The following PRKN variants were observed in gnomAD, a reference collection of about 807,000 sequenced individuals.
The protein encoded by PRKN is E3 ubiquitin-protein ligase parkin.
PRKN carries 56 observed loss-of-function variants against 59.5 expected under a neutral mutation model. The ratio of observed to expected loss-of-function variants is 0.94; its 90% CI spans 0.76 to 1.18. The LOEUF (loss-of-function observed/expected upper bound fraction) is 1.18. PRKN is among the 50% of genes most tolerant of loss of function. The probability of loss-of-function intolerance (pLI) is 0.00; values close to 1 mark genes in which losing one functional copy is unlikely to be tolerated. For missense variants in PRKN, 657 were observed against 596.4 expected (o/e 1.10, Z -1.06); for synonymous variants, 250 against 222.1 (o/e 1.13, Z -1.12).
Position 161,379,434 on chromosome 6 carries a change from C to T in PRKN, c.1167+7360G>A, listed in dbSNP as rs144465177. Among the ~76,000 whole-genome samples the T allele has an allele frequency of 6.6e-6, 1 of 152,316 alleles. No homozygotes were observed. The highest frequency in any genetic ancestry group is 2.1e-4 in the South Asian group (1 of 4,824). ...CCTTCCATTTGTACATTTCTCCAGT[C>T]TCTCTCATTCCACAAGCAAATGTCT... On this transcript the variant is annotated intron_variant, in intron 10 of 11. Coordinates refer to ENST00000366898, the MANE Select transcript of PRKN (RefSeq NM_004562.3). This position sits in a 1 kb window ranked among gnomAD's most constrained non-coding sequence, Gnocchi z 4.9.
intron 3 of PRKN, among the ~76,000 whole-genome samples, chr6:162,213,694 C>T (rs1777504232): frequency 6.6e-6 from 1 of 151,848 alleles, no homozygotes; most frequent in Non-Finnish European, 1.5e-5. Context: ...AACATGGTGT[C>T]ACTGCACTTC....
chr6:161,430,864 G>A (rs1467539627), intron 9 of PRKN, among the ~76,000 whole-genome samples: 12 of 148,472 alleles, frequency 8.1e-5, no homozygotes, highest in South Asian at 4.3e-4. Flanking sequence ...GGCCAGGTGC[G>A]GTGGCTCATG....
intron 1 of PRKN, among the ~76,000 whole-genome samples, chr6:162,603,998 G>A (rs983369056): frequency 1.3e-5 from 2 of 152,086 alleles, no homozygotes; most frequent in Admixed American, 6.6e-5. Flanking sequence ...AGAGGCTCAC[G>A]AACACTTTTC....
chr6:161,779,086 C>T (rs954082789), intron 7 of PRKN, among the ~76,000 whole-genome samples: 4 of 151,818 alleles, frequency 2.6e-5, no homozygotes, highest in South Asian at 2.1e-4. Context: ...ACTACAGGCA[C>T]CTGCCACCAC....
At chr6:161,923,788 G>A (rs534707377) in intron 6 of PRKN, among the ~76,000 whole-genome samples, 3 of 152,258 alleles carry the variant, frequency 2.0e-5, no homozygotes, top group East Asian at 1.9e-4. Flanking sequence ...GTACAATCAC[G>A]AAGTTCAGCT....
chr6:162,294,887 C>T (rs1781597031), intron 2 of PRKN, among the ~76,000 whole-genome samples: 3 of 152,174 alleles, frequency 2.0e-5, no homozygotes, highest in Admixed American at 6.5e-5. Context: ...ACTGCACTCA[C>T]TTTGATAACC....
In PRKN at chr6:161,369,574, G is replaced by A. The variant is rs976577338; in HGVS notation, c.1168-9369C>T. On this transcript the variant is annotated intron_variant, in intron 10 of 11. Transcript: ENST00000366898. This position sits in a 1 kb window ranked among gnomAD's most constrained non-coding sequence, Gnocchi z 5.8. ...TTGTGCAATAAAGTGTGGCTCTCACGGGGCAGTGTAACTGTTAGGTAATTG... is the reference window on the plus strand; with the variant it reads ...TTGTGCAATAAAGTGTGGCTCTCACAGGGCAGTGTAACTGTTAGGTAATTG... Among the ~76,000 whole-genome samples, 6 of 152,124 alleles carry A rather than the reference G, an allele frequency of 3.9e-5. No individual in the cohort carries two copies. The highest frequency in any genetic ancestry group is 8.8e-5 in the Non-Finnish European group (6 of 68,016).
intron 1 of PRKN, among the ~76,000 whole-genome samples, chr6:162,566,985 A>G (rs1260731599): frequency 6.6e-6 from 1 of 152,246 alleles, no homozygotes; most frequent in Non-Finnish European, 1.5e-5. Context: ...GTGATACATC[A>G]TATCAACAGA....
At position 162,667,172 on chromosome 6, in the gene PRKN, C is replaced by G. The variant is rs79628262; in HGVS notation, c.7+60490G>C. On this transcript the variant is annotated intron_variant, in intron 1 of 11. Coordinates refer to ENST00000366898, the MANE Select transcript of PRKN (RefSeq NM_004562.3). ...CTAAACAGTGGATAATTTAACAATT[C>G]TTTCTATTGGCACAGATTATATTTC... is the stretch of plus-strand genomic sequence containing the variant. 3.9e-5 allele frequency among the ~76,000 whole-genome samples: 6 copies of G among 152,120 alleles called. No homozygotes were observed. The East Asian group carries it at 1.2e-3, about 29-fold the overall frequency.
chr6:161,601,402 T>C (rs1782098649), intron 7 of PRKN, among the ~76,000 whole-genome samples: 1 of 152,256 alleles, frequency 6.6e-6, no homozygotes, highest in African/African-American at 2.4e-5. Flanking sequence ...TCCAGTCATG[T>C]GGACTCTGCC....
intron 7 of PRKN, among the ~76,000 whole-genome samples, chr6:161,765,276 C>G (rs1274323584): frequency 1.3e-5 from 2 of 152,176 alleles, no homozygotes; most frequent in Non-Finnish European, 2.9e-5. Flanking sequence ...TCTTCCTTGT[C>G]TCTGAACCCG....
chr6:162,303,387 TC>T (rs1782053340), intron 2 of PRKN, among the ~76,000 whole-genome samples: 1 of 152,184 alleles, frequency 6.6e-6, no homozygotes. Context: ...TTCTCAGTGC[TC>T]CACTGTGCAT....
intron 1 of PRKN, among the ~76,000 whole-genome samples, chr6:162,575,296 C>A (rs975236910): frequency 1.3e-5 from 2 of 152,168 alleles, no homozygotes; most frequent in Non-Finnish European, 2.9e-5. Context: ...CAAAAGACTG[C>A]AAAATGACCT....
chr6:162,191,856 T>C (rs1348718921), intron 4 of PRKN, among the ~76,000 whole-genome samples: 3 of 152,156 alleles, frequency 2.0e-5, no homozygotes, highest in African/African-American at 7.2e-5. Context: ...GGACAGTGGC[T>C]AGTAAAGCTA....
rs1157780116 is a variant in PRKN, at chr6:161,487,027, TA to T, written c.1083+61826del. On this transcript the variant is annotated intron_variant, in intron 9 of 11. Transcript: ENST00000366898. The surrounding 1 kb of genome is among the most constrained non-coding windows in gnomAD (Gnocchi z 5.3). The stretch of plus-strand genomic sequence containing the variant: ...AGGTGTAGCTCGTCTTCATGGAGGT[TA>T]GGGGCAAGTGAGTTTAGTGAATAGG... Among the ~76,000 whole-genome samples, 3 of 152,044 alleles carry T rather than the reference TA, an allele frequency of 2.0e-5. No individual in the cohort carries two copies. Among genetic ancestry groups the T allele is most frequent in the Non-Finnish European group, 4.4e-5 (3 of 68,000 alleles).
At chr6:162,386,238 T>C (rs1184486525) in intron 2 of PRKN, among the ~76,000 whole-genome samples, 1 of 152,174 alleles carries the variant, frequency 6.6e-6, no homozygotes, top group Non-Finnish European at 1.5e-5. Flanking sequence ...CTAAGTGAGG[T>C]AATACATTTG....
At chr6:161,930,283 G>A (rs901097340) in intron 6 of PRKN, among the ~76,000 whole-genome samples, 1 of 152,132 alleles carries the variant, frequency 6.6e-6, no homozygotes, top group Non-Finnish European at 1.5e-5. Context: ...TTTATGAAAT[G>A]AAACAAATTG....
At chr6:161,835,662 G>A (rs1014429523) in intron 6 of PRKN, among the ~76,000 whole-genome samples, 8 of 152,342 alleles carry the variant, frequency 5.3e-5, no homozygotes, top group Admixed American at 5.2e-4. Context: ...GAGGGTTGGG[G>A]AGGGGCTCAG....
chr6:161,573,467 T>C (rs901250436), intron 7 of PRKN, among the ~76,000 whole-genome samples: 2 of 151,598 alleles, frequency 1.3e-5, no homozygotes, highest in African/African-American at 4.8e-5. Context: ...ACGCCTGTAA[T>C]CCCAGCACTT....
Sources: allele counts gnomAD v4.1 joint callset (sites outside exome capture counted in the v4.1 genomes callset), GRCh38; gene constraint gnomAD v4.1.1; non-coding constraint Gnocchi (gnomAD v3.1); transcripts MANE v1.5; gene names NCBI Gene and HGNC (gene_info 2026-07-23, HGNC 2026-07-21).